Variants in CSMD1 observed in about 807,000 individuals in gnomAD.
The protein encoded by CSMD1 is CUB and Sushi multiple domains 1.
In CSMD1, 213 loss-of-function variants were observed where a neutral mutation model predicts 417.5. The ratio of observed to expected loss-of-function variants is 0.51; its 90% confidence interval spans 0.46 to 0.57. CSMD1 has a LOEUF of 0.57. CSMD1 is among the 20% of genes least tolerant of loss of function. CSMD1 has a pLI of 0.00. For missense variants in CSMD1, 6,923 were observed against 4,529.7 expected (o/e 1.53, Z -15.17); for synonymous variants, 2,862 against 1,736.8 (o/e 1.65, Z -16.11).
At chr8:4,017,058 A>C (rs1386479954) in intron 4 of CSMD1, among the ~76,000 whole-genome samples, 2 of 152,204 alleles carry the variant, frequency 1.3e-5, no homozygotes. Flanking sequence ...GCAGATATTC[A>C]TCCGGAGGCA....
chr8:4,012,702 C>T (rs111496202), intron 4 of CSMD1, among the ~76,000 whole-genome samples: 6 of 152,284 alleles, frequency 3.9e-5, no homozygotes, highest in African/African-American at 1.4e-4. Flanking sequence ...ATTTCAACTC[C>T]ATAGAATGTC....
At chr8:4,253,333 T>A (rs745804729) in intron 3 of CSMD1, among the ~76,000 whole-genome samples, 1 of 152,286 alleles carries the variant, frequency 6.6e-6, no homozygotes, top group East Asian at 1.9e-4. Flanking sequence ...TCCCCTACTA[T>A]AGAACTTATC....
intron 5 of CSMD1, among the ~76,000 whole-genome samples, chr8:3,984,119 A>ATTGCAGATCTGATGGGGCTGTCAATTG (rs1554507178): frequency 4.6e-5 from 7 of 150,924 alleles, no homozygotes; most frequent in African/African-American, 1.7e-4. Flanking sequence ...TCTAGAGCAC[A>ATTGCAGATCTGATGGGGCTGTCAATTG]CAGCAGATCT....
At chr8:4,887,059 G>T (rs1249134899) in intron 1 of CSMD1, among the ~76,000 whole-genome samples, 3 of 151,872 alleles carry the variant, frequency 2.0e-5, no homozygotes, top group African/African-American at 7.3e-5. Flanking sequence ...GTGCTAGGTG[G>T]AAGTTTAGGA....
Position 4,905,557 on chromosome 8 carries a change from CA to C in CSMD1, c.85+88774del, listed in dbSNP as rs1805188479. On this transcript the variant is annotated intron_variant, in intron 1 of 69. Coordinates refer to ENST00000635120, the MANE Select transcript of CSMD1 (RefSeq NM_033225.6). ...GAAATCGGTCAGACACAGTGGCTCA[CA>C]TCTGTAATCCCAGCACTTTGGGAGG... 3.3e-5 allele frequency among the ~76,000 whole-genome samples: 5 copies of C among 152,166 alleles called. 1 individual carries two copies. The South Asian group carries it at 8.3e-4, about 25-fold the overall frequency.
chr8:3,634,308 G>A (rs917010916), intron 7 of CSMD1, among the ~76,000 whole-genome samples: 3 of 152,186 alleles, frequency 2.0e-5, no homozygotes, highest in South Asian at 2.1e-4. Flanking sequence ...GAAGACTAAG[G>A]TCAGCAATGT....
At chr8:3,989,505 T>A (rs888830400) in intron 5 of CSMD1, among the ~76,000 whole-genome samples, 14 of 152,214 alleles carry the variant, frequency 9.2e-5, no homozygotes, top group Admixed American at 2.6e-4. Context: ...AGCCAACTAA[T>A]AATACTCCAC....
intron 12 of CSMD1, among the ~76,000 whole-genome samples, chr8:3,447,072 T>A (rs934445128): frequency 2.6e-5 from 4 of 152,194 alleles, no homozygotes; most frequent in African/African-American, 2.4e-5. Context: ...CAGCGTAACA[T>A]CAGTTGTTAT....
intron 4 of CSMD1, among the ~76,000 whole-genome samples, chr8:4,023,882 G>A (rs958457212): frequency 1.3e-5 from 2 of 149,212 alleles, no homozygotes; most frequent in Non-Finnish European, 3.0e-5. Flanking sequence ...CTCCCAAAGT[G>A]CTGGGATTAC....
At chr8:4,662,779 TC>T (rs1274592182) in intron 1 of CSMD1, among the ~76,000 whole-genome samples, 3 of 152,186 alleles carry the variant, frequency 2.0e-5, no homozygotes, top group Non-Finnish European at 4.4e-5. Context: ...ACATTCCTTT[TC>T]CACCAGGGAT....
At chr8:3,285,921 C>G (rs1360410857) in intron 25 of CSMD1, among the ~76,000 whole-genome samples, 2 of 151,952 alleles carry the variant, frequency 1.3e-5, no homozygotes, top group Admixed American at 1.3e-4. Context: ...CCATGTTGGT[C>G]TGCTGCACCC....
intron 3 of CSMD1, among the ~76,000 whole-genome samples, chr8:4,312,412 T>TACGC (rs1798671629): frequency 1.5e-5 from 2 of 134,032 alleles, no homozygotes; most frequent in African/African-American, 7.2e-5. Context: ...TATATGCGTG[T>TACGC]ATATATATGC....
At chr8:4,865,350 A>G (rs1802366802) in intron 1 of CSMD1, among the ~76,000 whole-genome samples, 1 of 151,746 alleles carries the variant, frequency 6.6e-6, no homozygotes, top group East Asian at 1.9e-4. Context: ...GCAAGACGAA[A>G]TCAGCAACTG....
At chr8:4,321,426 T>G (rs545514402) in intron 3 of CSMD1, among the ~76,000 whole-genome samples, 1 of 152,164 alleles carries the variant, frequency 6.6e-6, no homozygotes, top group Non-Finnish European at 1.5e-5. Flanking sequence ...CTCCCACTTA[T>G]TGACTTGTGA....
chr8:4,336,667 T>C (rs1387961304), intron 3 of CSMD1, among the ~76,000 whole-genome samples: 7 of 152,156 alleles, frequency 4.6e-5, no homozygotes, highest in African/African-American at 9.6e-5. Flanking sequence ...CTTTCACATC[T>C]GTGACATAGT....
chr8:3,530,031 G>A (rs147030062), intron 10 of CSMD1, among the ~76,000 whole-genome samples: 1 of 152,102 alleles, frequency 6.6e-6, no homozygotes, highest in Non-Finnish European at 1.5e-5. Flanking sequence ...AGAAGAATGA[G>A]CCGTGAGTAT....
intron 12 of CSMD1, among the ~76,000 whole-genome samples, chr8:3,447,445 G>A (rs898481749): frequency 6.6e-6 from 1 of 152,160 alleles, no homozygotes; most frequent in Non-Finnish European, 1.5e-5. Context: ...TAGATAAAGT[G>A]GAAAATGAAA....
Position 4,324,626 on chromosome 8 carries a change from A to G in CSMD1, c.415+95327T>C, listed in dbSNP as rs371064470. On this transcript the variant is annotated intron_variant, in intron 3 of 69. Transcript: ENST00000635120. ...GGTCAGTGGCCATTTATGACCTCCC[A>G]TACAGAAGAAAACAAACAAACACTG... Among the ~76,000 whole-genome samples, 215 of 152,338 alleles carry G rather than the reference A, an allele frequency of 1.4e-3. 2 individuals are homozygous for G. Among genetic ancestry groups the G allele is most frequent in the African/African-American group, 5.1e-3 (212 of 41,584 alleles).
At chr8:4,004,339 G>A (rs909633253) in intron 4 of CSMD1, among the ~76,000 whole-genome samples, 1 of 151,600 alleles carries the variant, frequency 6.6e-6, no homozygotes, top group African/African-American at 2.4e-5. Flanking sequence ...GTGTTTCTGA[G>A]AGAGTATATC....
Sources: gnomAD v4.1 joint callset for allele counts (sites outside exome capture counted in the v4.1 genomes callset) on GRCh38, gnomAD v4.1.1 for gene constraint, MANE v1.5 for transcripts, NCBI Gene and HGNC (gene_info 2026-07-23, HGNC 2026-07-21) for gene names.